Variants in IFT43 observed in about 807,000 individuals in gnomAD.
The protein encoded by IFT43 is intraflagellar transport protein 43 homolog.
Under a neutral mutation model 32.3 loss-of-function variants are expected in IFT43, and 33 were observed. The observed-to-expected ratio is 1.02, with a 90% confidence interval of 0.77 to 1.37. IFT43 has a LOEUF of 1.37. IFT43 is among the 40% of genes most tolerant of loss of function. The pLI is 0.00. For synonymous variants in IFT43, 93 were observed against 98.2 expected, an observed-to-expected ratio of 0.95 and a Z score of 0.31; for missense variants, 274 against 265.9, an observed-to-expected ratio of 1.03 and a Z score of -0.21.
At position 76,062,917 on chromosome 14, in the gene IFT43, C is replaced by CAAAA. The variant is rs746158153; in HGVS notation, c.295+3565_295+3568dup. On this transcript the variant is annotated intron_variant, in intron 5 of 8. Coordinates refer to ENST00000314067, the MANE Select transcript of IFT43 (RefSeq NM_001102564.3). ...TGGGCAACAGAGTGAGATCCCATCTCAAAAAAAAAAAAAAAAAAAAAAAAG... is the reference window on the plus strand; with the variant it reads ...TGGGCAACAGAGTGAGATCCCATCTCAAAAAAAAAAAAAAAAAAAAAAAAAAAAG... Among the ~76,000 whole-genome samples the CAAAA allele has an allele frequency of 3.4e-3, 246 of 72,314 alleles. 4 individuals carry two copies. Among genetic ancestry groups the CAAAA allele is most frequent in the African/African-American group, 9.2e-3 (155 of 16,864 alleles). The allele number at this position is 72,314 out of a possible 152,430, so 47.4% of individuals were successfully genotyped here. A position where few individuals can be genotyped will look rare whatever the true frequency, so the allele number is the denominator to read the frequency against.
chr14:75,988,319 C>T (rs1281932646), intron 1 of IFT43, among the ~76,000 whole-genome samples: 1 of 152,032 alleles, frequency 6.6e-6, no homozygotes, highest in Non-Finnish European at 1.5e-5. Context: ...GTGGAGGCTG[C>T]GGTGAGCACT....
At chr14:76,028,406 C>G (rs1688187565) in intron 3 of IFT43, among the ~76,000 whole-genome samples, 1 of 152,126 alleles carries the variant, frequency 6.6e-6, no homozygotes, top group Non-Finnish European at 1.5e-5. Flanking sequence ...AATTTACTCT[C>G]TCTCCTTTTT....
chr14:76,010,947 G>C (rs533067161), intron 2 of IFT43, among the ~76,000 whole-genome samples: 52 of 150,834 alleles, frequency 3.4e-4, no homozygotes, highest in Middle Eastern at 3.4e-3. Context: ...CTGTTGCCCA[G>C]GCTGGAGTGC....
intron 3 of IFT43, among the ~76,000 whole-genome samples, chr14:76,044,725 A>G (rs1445342454): frequency 6.6e-6 from 1 of 152,136 alleles, no homozygotes; most frequent in African/African-American, 2.4e-5. Context: ...GGAGATTCCA[A>G]GGGTTTTAGG....
chr14:76,038,521 C>T (rs2036646348), intron 3 of IFT43, among the ~76,000 whole-genome samples: 1 of 152,058 alleles, frequency 6.6e-6, no homozygotes, highest in African/African-American at 2.4e-5. Flanking sequence ...TTGCTTTGCT[C>T]TCAGAGCCTG....
chr14:76,007,179 T>C (rs1282540380), intron 2 of IFT43, among the ~76,000 whole-genome samples: 1 of 152,124 alleles, frequency 6.6e-6, no homozygotes, highest in African/African-American at 2.4e-5. Context: ...TTTCAAATGG[T>C]ATATAGTAGG....
chr14:76,028,936 C>G (rs1207763390), intron 3 of IFT43, among the ~76,000 whole-genome samples: 2 of 152,164 alleles, frequency 1.3e-5, no homozygotes, highest in Non-Finnish European at 2.9e-5. Flanking sequence ...TTGCAAGTGT[C>G]TTTTTGATAG....
chr14:76,048,440 C>A (rs1221835461), intron 3 of IFT43, among the ~76,000 whole-genome samples: 1 of 152,236 alleles, frequency 6.6e-6, no homozygotes, highest in African/African-American at 2.4e-5. Flanking sequence ...ATTCTCCGAA[C>A]ATAAATGATC....
chr14:76,040,733 G>A (rs2036690617), intron 3 of IFT43, among the ~76,000 whole-genome samples: 1 of 152,234 alleles, frequency 6.6e-6, no homozygotes, highest in African/African-American at 2.4e-5. Context: ...AAGCCCTGCT[G>A]CAGCAGCATT....
chr14:76,044,377 A>G (rs1344704424), intron 3 of IFT43, among the ~76,000 whole-genome samples: 1 of 152,208 alleles, frequency 6.6e-6, no homozygotes, highest in African/African-American at 2.4e-5. Flanking sequence ...GAAGAGCTAT[A>G]TAGGGCAAGG....
intron 2 of IFT43, among the ~76,000 whole-genome samples, chr14:76,005,512 T>C (rs1316146029): frequency 6.6e-6 from 1 of 152,254 alleles, no homozygotes; most frequent in East Asian, 1.9e-4. Context: ...CAGTTGCTTT[T>C]CACTGGGTTT....
At chr14:75,999,265 ATATATATGTATATATAT>A (rs1359421391) in intron 2 of IFT43, among the ~76,000 whole-genome samples, 6 of 23,744 alleles carry the variant, frequency 2.5e-4, no homozygotes, top group Admixed American at 1.1e-3. Context: ...ATATATATAT[ATATATATGTATATATAT>A]TTTTTTTTTT....
Position 76,083,251 on chromosome 14 carries a change from C to A in IFT43, c.469C>A (p.Leu157Ile), listed in dbSNP as rs1414874776. 27 of 1,614,026 alleles carry A rather than the reference C, an allele frequency of 1.7e-5. No homozygotes were observed. Among genetic ancestry groups the A allele is most frequent in the Non-Finnish European group, 2.3e-5 (27 of 1,180,022 alleles). The change falls in exon 8 of 9, where the codon CTC (leucine) becomes ATC (isoleucine). Residue 157 changes from leucine (L) to isoleucine (I), a missense_variant. By Grantham distance (5) the Leu-to-Ile change is conservative (BLOSUM62 2). Transcript: ENST00000314067. ...TLDGEIDLKL[L>I]TKVLAPEHEV... ...GGATGGGGAGATCGACCTGAAACTC[C>A]TCACCAAAGTGCTCGCGCCGGAGCA... is the stretch of plus-strand genomic sequence containing the variant.
chr14:76,030,203 C>T (rs182848775), intron 3 of IFT43, among the ~76,000 whole-genome samples: 11 of 151,984 alleles, frequency 7.2e-5, no homozygotes, highest in Non-Finnish European at 1.3e-4. Flanking sequence ...TTGTATTGTT[C>T]ATTGTGTTAT....
At chr14:75,991,394 T>TGTGTGTATATTAACAAGA (rs1176976509) in intron 2 of IFT43, among the ~76,000 whole-genome samples, 2,291 of 83,396 alleles carry the variant, frequency 0.027, 59 homozygotes, top group African/African-American at 0.1. Flanking sequence ...CAAGAGTGTG[T>TGTGTGTATATTAACAAGA]GTGTGTGTGT....
At chr14:76,013,460 G>A (rs866553594) in intron 2 of IFT43, among the ~76,000 whole-genome samples, 2 of 152,178 alleles carry the variant, frequency 1.3e-5, no homozygotes, top group African/African-American at 4.8e-5. Flanking sequence ...GTCATAAAAC[G>A]AGCAACAGCA....
rs762141990 is a variant in IFT43 at position 76,083,434 on chromosome 14, A to C, written c.508-24A>C. The stretch of plus-strand genomic sequence containing the variant: ...GAGGGAAAAGGCCTTTCTTTGTCTT[A>C]CCCAGCGAAACCCTTCTTGGCAGGA... On this transcript the variant is annotated intron_variant, in intron 8 of 8. Transcript: ENST00000314067. The C allele has an allele frequency of 1.2e-5, 19 of 1,613,930 alleles. 1 individual carries two copies. The South Asian group carries it at 1.8e-4, about 15-fold the overall frequency.
chr14:76,049,231 G>A (rs902710288), intron 3 of IFT43, among the ~76,000 whole-genome samples: 1 of 152,162 alleles, frequency 6.6e-6, no homozygotes, highest in Non-Finnish European at 1.5e-5. Flanking sequence ...CTTGTAGCTC[G>A]ATTTTCCCAA....
chr14:76,004,785 G>T (rs1246060977), intron 2 of IFT43, among the ~76,000 whole-genome samples: 1 of 151,944 alleles, frequency 6.6e-6, no homozygotes, highest in East Asian at 1.9e-4. Context: ...CTATTGGTCT[G>T]TCTTTAAGTT....
Sources: gnomAD v4.1 joint callset for allele counts (sites outside exome capture counted in the v4.1 genomes callset) on GRCh38, gnomAD v4.1.1 for gene constraint, MANE v1.5 for transcripts, NCBI Gene and HGNC (gene_info 2026-07-23, HGNC 2026-07-21) for gene names.